The following SPHKAP variants were observed in gnomAD, a reference collection of about 807,000 sequenced individuals.
SPHKAP encodes the protein A-kinase anchor protein SPHKAP.
SPHKAP carries 67 observed loss-of-function variants against 137.5 expected under a neutral mutation model. That is an observed-to-expected ratio of 0.49 (90% confidence interval 0.40 to 0.60). The LOEUF is 0.60. Ranked by LOEUF, SPHKAP falls within the 20% of genes least tolerant of loss-of-function variation. The pLI, the probability that SPHKAP is intolerant of heterozygous loss-of-function variation, is 0.00. For missense variants in SPHKAP, 2,097 were observed against 2,069.3 expected (o/e 1.01, Z -0.26); for synonymous variants, 813 against 785.3 (o/e 1.04, Z -0.59).
chr2:228,114,077 T>C (rs538402201), intron 2 of SPHKAP, among the ~76,000 whole-genome samples: 8 of 152,158 alleles, frequency 5.3e-5, no homozygotes, highest in Non-Finnish European at 8.8e-5. Context: ...AGTTGCTTTC[T>C]GAGAAGGAAA....
At chr2:228,153,065 T>G (rs191918359) in intron 1 of SPHKAP, among the ~76,000 whole-genome samples, 6 of 152,270 alleles carry the variant, frequency 3.9e-5, no homozygotes, top group East Asian at 1.9e-4. Context: ...TGCTGCCATG[T>G]AAGATGTGCC....
chr2:228,042,106 G>GCAAA (rs371838438), intron 3 of SPHKAP, among the ~76,000 whole-genome samples: 1 of 152,162 alleles, frequency 6.6e-6, no homozygotes, highest in African/African-American at 2.4e-5. Context: ...AAGCAATCGT[G>GCAAA]CAAACAAACA....
chr2:228,122,201 T>C (rs1288083230), intron 2 of SPHKAP, among the ~76,000 whole-genome samples: 1 of 152,124 alleles, frequency 6.6e-6, no homozygotes. Context: ...GAAAAACAGA[T>C]CACTTGCCTA....
chr2:228,017,321 G>A lies in SPHKAP; in HGVS notation c.3533C>T (p.Pro1178Leu). The change falls in exon 7 of 12, where the codon CCT (proline) becomes CTT (leucine). Residue 1178 changes from proline to leucine, a missense_variant. Physicochemically the swap from Pro to Leu is moderately conservative, Grantham distance 98 (BLOSUM62 -3). Transcript: ENST00000392056. ...GCTGGACTGCTTAGAGGGACAGCTAGGCCTCACACTGAGGTGGTCACTTTT... is the reference window on the plus strand; with the variant it reads ...GCTGGACTGCTTAGAGGGACAGCTAAGCCTCACACTGAGGTGGTCACTTTT... ...CRKSDHLSVR[P>L]SCPSKQSSTE... 6.2e-7 allele frequency: 1 copy of A among 1,613,932 alleles called. No homozygotes were observed.
chr2:228,092,627 GTATAT>G (rs1262729825), intron 3 of SPHKAP, among the ~76,000 whole-genome samples: 5 of 145,294 alleles, frequency 3.4e-5, no homozygotes, highest in African/African-American at 5.1e-5. Flanking sequence ...ATATATATGT[GTATAT>G]TATATGTGTA....
intron 5 of SPHKAP, among the ~76,000 whole-genome samples, chr2:228,023,785 G>T (rs1048168015): frequency 6.6e-6 from 1 of 152,162 alleles, no homozygotes; most frequent in Non-Finnish European, 1.5e-5. Flanking sequence ...TGATTCACAC[G>T]GAGTTGATTC....
chr2:228,100,795 T>C (rs1223205832), intron 3 of SPHKAP, among the ~76,000 whole-genome samples: 2 of 152,162 alleles, frequency 1.3e-5, no homozygotes, highest in Non-Finnish European at 2.9e-5. Context: ...GATGTTGGCA[T>C]GCAGTTTGTT....
In SPHKAP at chr2:227,981,732, G is replaced by C; in HGVS notation, c.5088C>G (p.Leu1696=). The C allele has an allele frequency of 6.2e-7, 1 of 1,613,218 alleles. No individual in the cohort carries two copies. The highest frequency in any genetic ancestry group is 1.3e-5 in the African/African-American group (1 of 74,970). ...KDGRLSLFDW[L]LELG The stretch of plus-strand genomic sequence containing the variant: ...GACTGCCTTATTATCCCAGTTCCAA[G>C]AGCCAGTCAAAGAGACTCAGTCTCC... The change falls in exon 12 of 12, where the codon CTC becomes CTG. Residue 1696 remains leucine, a synonymous_variant. Transcript: ENST00000392056.
At chr2:228,097,611 G>A (rs944875932) in intron 3 of SPHKAP, among the ~76,000 whole-genome samples, 22 of 152,096 alleles carry the variant, frequency 1.4e-4, no homozygotes, top group Non-Finnish European at 7.4e-5. Flanking sequence ...CATGACCCAG[G>A]TATTGCACAT....
At chr2:228,086,611 A>G (rs1264382437) in intron 3 of SPHKAP, among the ~76,000 whole-genome samples, 2 of 152,132 alleles carry the variant, frequency 1.3e-5, no homozygotes, top group Admixed American at 6.5e-5. Flanking sequence ...CCTCACTCAA[A>G]TTTGCTCGAG....
chr2:228,133,021 A>G (rs2106376735), intron 1 of SPHKAP, among the ~76,000 whole-genome samples: 1 of 151,768 alleles, frequency 6.6e-6, no homozygotes, highest in Admixed American at 6.6e-5. Context: ...AAACAAACAA[A>G]AAAGGCCGGG....
At chr2:228,109,312 A>G in intron 2 of SPHKAP, 1 of 942,862 alleles carries the variant, frequency 1.1e-6, no homozygotes, top group Non-Finnish European at 1.3e-6. Flanking sequence ...CTCCATAAGT[A>G]TTTTCAATTA....
chr2:228,009,414 T>A (rs1472333043), intron 7 of SPHKAP, among the ~76,000 whole-genome samples: 1 of 152,216 alleles, frequency 6.6e-6, no homozygotes, highest in Non-Finnish European at 1.5e-5. Context: ...TCATCAAGTC[T>A]TACATTCGTG....
chr2:228,074,608 G>C (rs1412204235), intron 3 of SPHKAP, among the ~76,000 whole-genome samples: 1 of 152,090 alleles, frequency 6.6e-6, no homozygotes, highest in Non-Finnish European at 1.5e-5. Context: ...TTGACACGTG[G>C]GGATTATTAC....
At position 227,995,499 on chromosome 2, in the gene SPHKAP, G is replaced by A. The variant is rs774062166; in HGVS notation, c.4634+10C>T. The A allele has an allele frequency of 1.9e-6, 3 of 1,613,874 alleles. No homozygotes were observed. In the African/African-American group the frequency reaches 4.0e-5, roughly 22 times the overall value. ...CAATTTCCCTGGGAATTCAAGGGAAGAGCAGGTACCTCATGGATCGCTCAC... is the reference window on the plus strand; with the variant it reads ...CAATTTCCCTGGGAATTCAAGGGAAAAGCAGGTACCTCATGGATCGCTCAC... On this transcript the variant is annotated intron_variant, in intron 8 of 11. Transcript: ENST00000392056.
intron 3 of SPHKAP, among the ~76,000 whole-genome samples, chr2:228,048,882 A>T (rs1453590601): frequency 6.6e-6 from 1 of 152,066 alleles, no homozygotes; most frequent in African/African-American, 2.4e-5. Flanking sequence ...TTTCTTATAG[A>T]TGTGTGTAAG....
chr2:228,096,718 G>C (rs147058499), intron 3 of SPHKAP, among the ~76,000 whole-genome samples: 3 of 151,764 alleles, frequency 2.0e-5, no homozygotes, highest in African/African-American at 7.3e-5. Flanking sequence ...GCTGGGTGCC[G>C]TCTGGAATAT....
intron 9 of SPHKAP, chr2:227,991,906 T>C (rs907029860): frequency 4.6e-6 from 1 of 215,716 alleles, no homozygotes; most frequent in Non-Finnish European, 7.9e-6. Flanking sequence ...GTTTTTCTTT[T>C]TCTTTCTTCT....
intron 1 of SPHKAP, among the ~76,000 whole-genome samples, chr2:228,173,417 C>T (rs1475380522): frequency 6.6e-6 from 1 of 152,100 alleles, no homozygotes; most frequent in Non-Finnish European, 1.5e-5. Flanking sequence ...GTTTACTAGC[C>T]AGCTGATCTT....
Sources: allele counts gnomAD v4.1 joint callset (sites outside exome capture counted in the v4.1 genomes callset), GRCh38; gene constraint gnomAD v4.1.1; transcripts MANE v1.5; gene names NCBI Gene and HGNC (gene_info 2026-07-23, HGNC 2026-07-21).